The following VPS13B variants were observed in gnomAD, a reference collection of about 807,000 sequenced individuals.
VPS13B encodes the protein intermembrane lipid transfer protein VPS13B.
In VPS13B, 285 loss-of-function variants were observed where a neutral mutation model predicts 426.4. The observed-to-expected ratio is 0.67, with a 90% CI of 0.61 to 0.74. The LOEUF is 0.74. Among genes scored for constraint, VPS13B ranks in the 30% least tolerant of loss-of-function variants. The pLI, the probability that VPS13B is intolerant of heterozygous loss-of-function variation, is 0.00. For missense variants in VPS13B, 4,537 were observed against 4,782.6 expected (o/e 0.95, Z 1.51); for synonymous variants, 1,676 against 1,676.4 (o/e 1.00, Z 0.01).
At chr8:99,112,825 G>A (rs73699966) in intron 6 of VPS13B, among the ~76,000 whole-genome samples, 3,642 of 152,068 alleles carry the variant, frequency 0.024, 136 homozygotes, top group African/African-American at 0.082. Context: ...AAATAGATGA[G>A]GAAAAACTTA....
At chr8:99,089,423 G>C (rs1846025422) in intron 3 of VPS13B, among the ~76,000 whole-genome samples, 1 of 152,134 alleles carries the variant, frequency 6.6e-6, no homozygotes, top group East Asian at 1.9e-4. Flanking sequence ...GTGTGCCCAA[G>C]GTGGTCAGGC....
chr8:99,610,124 A>G (rs768159954), intron 33 of VPS13B, among the ~76,000 whole-genome samples: 7 of 152,188 alleles, frequency 4.6e-5, no homozygotes, highest in Non-Finnish European at 1.0e-4. Flanking sequence ...TTGAGTAGAA[A>G]CAAATATATT....
chr8:99,436,716 GA>G (rs1312190504), intron 22 of VPS13B, among the ~76,000 whole-genome samples: 1 of 151,956 alleles, frequency 6.6e-6, no homozygotes, highest in Admixed American at 6.6e-5. Context: ...TTTAGACTGT[GA>G]AAATCTGAGT....
At chr8:99,853,383 A>G (rs1361886901) in intron 55 of VPS13B, 68 bp from the exon 56 acceptor site, 2 of 1,551,370 alleles carry the variant, frequency 1.3e-6, no homozygotes, top group South Asian at 1.1e-5. Flanking sequence ...TACTGTCAAT[A>G]AAAAAGAAAG....
At chr8:99,514,514 T>A (rs931305845) in intron 29 of VPS13B, among the ~76,000 whole-genome samples, 1 of 152,230 alleles carries the variant, frequency 6.6e-6, no homozygotes. Flanking sequence ...AGAAATTTCA[T>A]GTAAGTGGAA....
chr8:99,181,264 GA>G (rs1275652700), intron 16 of VPS13B, among the ~76,000 whole-genome samples: 1 of 152,144 alleles, frequency 6.6e-6, no homozygotes, highest in Non-Finnish European at 1.5e-5. Context: ...AATATCGAGT[GA>G]AAAAAGGTCA....
chr8:99,620,800 T>G (rs1282219052), intron 33 of VPS13B, among the ~76,000 whole-genome samples: 1 of 151,064 alleles, frequency 6.6e-6, no homozygotes, highest in Non-Finnish European at 1.5e-5. Context: ...AGTGAAACCC[T>G]GTCTCTACTA....
At position 99,418,511 on chromosome 8, in the gene VPS13B, CTTTCCTTTCTTTCTTTCTCTTTCT is replaced by C. The variant is rs1563719036; in HGVS notation, c.3083-13021_3083-12998del. On this transcript the variant is annotated intron_variant, in intron 21 of 61. Transcript: ENST00000357162. ...TCTTTCTTTCTTTCTTTCTTTCTTT[CTTTCCTTTCTTTCTTTCTCTTTCT>C]TTTCTTTTCTTTTCTTTTCTTTCAT... Among the ~76,000 whole-genome samples, 3 of 118,052 alleles carry C rather than the reference CTTTCCTTTCTTTCTTTCTCTTTCT, an allele frequency of 2.5e-5. No homozygotes were observed. The South Asian group carries it at 7.8e-4, about 31-fold the overall frequency. 77.4% of individuals were successfully genotyped at this position (118,052 alleles called of 152,430 possible). A position where few individuals can be genotyped will look rare whatever the true frequency, so the allele number is the denominator to read the frequency against.
Position 99,121,432 on chromosome 8 carries a change from C to G in VPS13B, c.1193C>G (p.Thr398Arg), listed in dbSNP as rs753703762. 1.2e-6 allele frequency: 2 copies of G among 1,614,158 alleles called. No individual in the cohort carries two copies. Among genetic ancestry groups the G allele is most frequent in the Non-Finnish European group, 1.7e-6 (2 of 1,180,014 alleles). ...VSIGFYCTKA[T>R]VTFKLTEMQV... ...ATAGGATTTTATTGCACAAAGGCAA[C>G]GGTGACTTTCAAAGTAGGTCTTTTC... The change falls in exon 8 of 62, where the codon ACG (threonine) becomes AGG (arginine). Residue 398 changes from threonine (T) to arginine (R), a missense_variant. Thr to Arg is a moderately conservative substitution (Grantham distance 71). Around this residue, in one of 2 missense-constraint regions of VPS13B, gnomAD observed 4,311 missense variants for 4,474.3 expected, o/e 0.96. Coordinates refer to ENST00000357162, the MANE Select transcript of VPS13B (RefSeq NM_152564.5).
rs1301949669 is a variant in VPS13B, at chr8:99,136,745, T to C, written c.1644T>C (p.Ser548=). 2 of 1,613,528 alleles carry C rather than the reference T, an allele frequency of 1.2e-6. No homozygotes were observed. The highest frequency in any genetic ancestry group is 1.7e-6 in the Non-Finnish European group (2 of 1,179,586). Residue 548 remains serine (S), a synonymous_variant, in exon 12 of 62, where the codon AGT becomes AGC. Coordinates refer to ENST00000357162, the MANE Select transcript of VPS13B (RefSeq NM_152564.5). ...MDYLYTMENT[S]GKGSTNQQDF... ...ACCTGTATACAATGGAGAACACTAG[T>C]GGCAAAGGTATTGGCTTCTTTCCTT... is the stretch of plus-strand genomic sequence containing the variant.
chr8:99,353,289 A>G (rs923924218), intron 19 of VPS13B, among the ~76,000 whole-genome samples: 8 of 152,302 alleles, frequency 5.3e-5, no homozygotes, highest in African/African-American at 1.4e-4. Flanking sequence ...CGACCACACT[A>G]TGTTCTTGAT....
intron 21 of VPS13B, among the ~76,000 whole-genome samples, chr8:99,398,474 T>G (rs1011882364): frequency 1.1e-4 from 16 of 152,126 alleles, no homozygotes; most frequent in African/African-American, 3.9e-4. Context: ...CAGAGGACCT[T>G]TAGTTGTTAA....
chr8:99,557,760 T>G (rs1824666764), intron 31 of VPS13B, among the ~76,000 whole-genome samples: 1 of 152,174 alleles, frequency 6.6e-6, no homozygotes, highest in Admixed American at 6.6e-5. Flanking sequence ...TGTGTACTCT[T>G]AACGATTTAT....
rs761060899 is a variant in VPS13B at position 99,819,554 on chromosome 8, T to A, written c.8764T>A (p.Trp2922Arg). Residue 2922 changes from tryptophan to arginine, a missense_variant, in exon 48 of 62, where the codon TGG (tryptophan) becomes AGG (arginine). This residue lies in a region of VPS13B where 4,311 missense variants were observed against 4,474.3 expected (regional missense o/e 0.96). Transcript: ENST00000357162. The part of the protein sequence containing the change: ...YGPEKSLQPI[W>R]PYNKKDSDRN... ...GCCAGAAAAGTCGCTTCAACCCATA[T>A]GGCCCTATAATAAGAAGGATTCTGA... The A allele has an allele frequency of 1.2e-6, 2 of 1,613,814 alleles. No homozygotes were observed. Among genetic ancestry groups the A allele is most frequent in the Non-Finnish European group, 1.7e-6 (2 of 1,179,840 alleles).
In VPS13B at chr8:99,832,521, G is replaced by A. The variant is rs750174157; in HGVS notation, c.9483G>A (p.Leu3161=). The A allele has an allele frequency of 3.1e-6, 5 of 1,613,606 alleles. No individual in the cohort carries two copies. The highest frequency in any genetic ancestry group is 1.1e-5 in the South Asian group (1 of 91,048). ...DASLLQKQIM[L]GFSPAPGADS... is the part of the protein sequence containing the mutation. ...CCCTGCTTCAGAAACAGATCATGCTGGGCTTTTCTCCTGCCCCAGGTGCTG... is the reference window on the plus strand; with the variant it reads ...CCCTGCTTCAGAAACAGATCATGCTAGGCTTTTCTCCTGCCCCAGGTGCTG... Residue 3161 remains leucine (L), a synonymous_variant, in exon 52 of 62, where the codon CTG becomes CTA. Coordinates refer to ENST00000357162, the MANE Select transcript of VPS13B (RefSeq NM_152564.5).
At position 99,027,670 on chromosome 8, in the gene VPS13B, C is replaced by T. The variant is rs559821242; in HGVS notation, c.148-10753C>T. Among the ~76,000 whole-genome samples the T allele has an allele frequency of 1.4e-4, 22 of 152,150 alleles. 1 individual carries two copies. Among genetic ancestry groups the T allele is most frequent in the African/African-American group, 5.3e-4 (22 of 41,514 alleles). On this transcript the variant is annotated intron_variant, in intron 2 of 61. Coordinates refer to ENST00000357162, the MANE Select transcript of VPS13B (RefSeq NM_152564.5). ...TTTTCTTTCATCATTTTGAATATGG[C>T]ATCCCATTGTCTCTTGGCCTATGTT...
In VPS13B at chr8:99,308,411, T is replaced by C. The variant is rs868476515; in HGVS notation, c.2824+33157T>C. On this transcript the variant is annotated intron_variant, in intron 19 of 61. Transcript: ENST00000357162. ...GTTCTCATTGTTCAATTCCCACCTATGAGTGAGAACATGCGGTGTTTGGTT... is the reference window on the plus strand; with the variant it reads ...GTTCTCATTGTTCAATTCCCACCTACGAGTGAGAACATGCGGTGTTTGGTT... Among the ~76,000 whole-genome samples the C allele has an allele frequency of 5.1e-4, 78 of 152,262 alleles. 1 individual carries two copies. Among genetic ancestry groups the C allele is most frequent in the Middle Eastern group, 3.4e-3 (1 of 294 alleles).
intron 45 of VPS13B, among the ~76,000 whole-genome samples, 176 bp downstream of exon 45, chr8:99,817,979 G>C (rs1336165060): frequency 6.6e-6 from 1 of 152,158 alleles, no homozygotes; most frequent in Non-Finnish European, 1.5e-5. Flanking sequence ...CAATACATTT[G>C]TATCAGTTCC....
intron 24 of VPS13B, among the ~76,000 whole-genome samples, chr8:99,478,070 A>G (rs2133545572): frequency 1.3e-5 from 2 of 151,474 alleles, no homozygotes; most frequent in Middle Eastern, 6.9e-3. Context: ...CAACATAACA[A>G]CATGCTGTCT....
Sources: allele counts gnomAD v4.1 joint callset (sites outside exome capture counted in the v4.1 genomes callset), GRCh38; gene constraint gnomAD v4.1.1; regional missense constraint gnomAD v4.1.1; transcripts MANE v1.5; gene names NCBI Gene and HGNC (gene_info 2026-07-23, HGNC 2026-07-21).